STX16: variants seen among roughly 807,000 people sequenced by gnomAD.
STX16 encodes the protein syntaxin-16.
In STX16, 28 loss-of-function variants were observed where a neutral mutation model predicts 42.7. The observed-to-expected ratio is 0.66, with a 90% CI of 0.49 to 0.90. The LOEUF (loss-of-function observed/expected upper bound fraction) is 0.90, where lower values mean the gene tolerates loss of function less well. Ranked by LOEUF, STX16 falls within the 40% of genes least tolerant of loss-of-function variation. The pLI is 0.00. For missense variants in STX16, 361 were observed against 420.9 expected, an observed-to-expected ratio of 0.86 and a Z score of 1.24; for synonymous variants, 156 against 155.2, an observed-to-expected ratio of 1.00 and a Z score of -0.04.
At chr20:58,667,414 T>G in intron 2 of STX16, 76 bp from the exon 3 acceptor site, 1 of 1,189,972 alleles carries the variant, frequency 8.4e-7, no homozygotes, top group Non-Finnish European at 1.2e-6. Flanking sequence ...GGGAGTAACA[T>G]TTAAGAGAGA....
chr20:58,676,169 TC>T lies in STX16; in HGVS notation c.874-15del. 1 of 1,608,938 alleles carries T rather than the reference TC, an allele frequency of 6.2e-7. No individual in the cohort carries two copies. Among genetic ancestry groups the T allele is most frequent in the Non-Finnish European group, 8.5e-7 (1 of 1,175,690 alleles). On this transcript the variant is annotated splice_polypyrimidine_tract_variant and intron_variant, in intron 8 of 8. Coordinates refer to ENST00000371141, the MANE Select transcript of STX16 (RefSeq NM_001001433.3). ...TTTTGGGGAAAATGACGGCCTTTTT[TC>T]CCTCCTCTTTTTGTAGGCAGAACAG...
At chr20:58,658,657 T>C (rs2083631298) in intron 1 of STX16, among the ~76,000 whole-genome samples, 1 of 152,216 alleles carries the variant, frequency 6.6e-6, no homozygotes, top group Non-Finnish European at 1.5e-5. Flanking sequence ...CAATTGATTA[T>C]TGAATTTCAC....
In STX16 at chr20:58,676,659, G is replaced by A. The variant is rs898381827; in HGVS notation, c.*368G>A. On this transcript the variant is annotated 3_prime_UTR_variant, in exon 9 of 9. Coordinates refer to ENST00000371141, the MANE Select transcript of STX16 (RefSeq NM_001001433.3). ...TATATGCTATTTTTTTAGCAGCCAT[G>A]TCTGAGCAGAATGTTAACATAATTT... The A allele has an allele frequency of 1.2e-5, 2 of 162,728 alleles. No individual in the cohort carries two copies. The highest frequency in any genetic ancestry group is 4.8e-5 in the African/African-American group (2 of 41,900). The allele number at this position is 162,728 out of a possible 1,614,324, so 10.1% of individuals were successfully genotyped here.
chr20:58,671,401 C>A, intron 7 of STX16, 104 bp downstream of exon 7: 3 of 1,168,798 alleles, frequency 2.6e-6, no homozygotes, highest in South Asian at 1.5e-5. Context: ...CCAATTTTCC[C>A]AACATGTGTG....
At chr20:58,667,941 ATAGC>A (rs1396294014) in intron 3 of STX16, 42 bp from the exon 4 acceptor site, 1 of 1,613,050 alleles carries the variant, frequency 6.2e-7, no homozygotes, top group Non-Finnish European at 8.5e-7. Flanking sequence ...GAGGCAGACC[ATAGC>A]CTGCCTGGCA....
intron 7 of STX16, among the ~76,000 whole-genome samples, chr20:58,673,128 T>G (rs2084020275): frequency 6.6e-6 from 1 of 152,238 alleles, no homozygotes; most frequent in African/African-American, 2.4e-5. Context: ...GGTGGTAGAC[T>G]GGAGTTTACC....
intron 4 of STX16, among the ~76,000 whole-genome samples, chr20:58,668,975 C>G (rs1293322382): frequency 6.6e-6 from 1 of 152,090 alleles, no homozygotes; most frequent in African/African-American, 2.4e-5. Context: ...TGCAAATATT[C>G]CAAAATCTCC....
intron 1 of STX16, among the ~76,000 whole-genome samples, chr20:58,659,019 C>A (rs1209151877): frequency 6.6e-6 from 1 of 151,822 alleles, no homozygotes; most frequent in African/African-American, 2.4e-5. Context: ...TTTCTCAGCT[C>A]TCTTACTACC....
rs386352906 is a variant in STX16 at position 58,671,435 on chromosome 20, T to TGG, written c.792+140_792+141dup. On this transcript the variant is annotated intron_variant, in intron 7 of 8. Transcript: ENST00000371141. ...TGTGCACCTGTCCTTTATGTGTGTG[T>TGG]GGGTGTGTGTGTGTGTGTGTGTGTG... The TGG allele has an allele frequency of 1.0e-3, 381 of 375,780 alleles. 5 individuals carry two copies. In the South Asian group the frequency reaches 0.013, roughly 13 times the overall value. The allele number at this position is 375,780 out of a possible 1,614,324, so 23.3% of individuals were successfully genotyped here. A position where few individuals can be genotyped will look rare whatever the true frequency, so the allele number is the denominator to read the frequency against.
rs765364172 is a variant in STX16 at position 58,669,432 on chromosome 20, G to T, written c.535G>T (p.Ala179Ser). 18 of 1,611,218 alleles carry T rather than the reference G, an allele frequency of 1.1e-5. No individual in the cohort carries two copies. The highest frequency in any genetic ancestry group is 1.5e-5 in the Non-Finnish European group (18 of 1,179,320). Residue 179 changes from alanine to serine, a missense_variant, in exon 5 of 9, where the codon GCA becomes TCA. By Grantham distance (99) the Ala-to-Ser change is moderately conservative. Coordinates refer to ENST00000371141, the MANE Select transcript of STX16 (RefSeq NM_001001433.3). ...GGAACTCTCCACCAGCTTCCGGCAC[G>T]CACAGTCAGGCTACCTCAAACGTGA... is the stretch of plus-strand genomic sequence containing the variant. ...LQELSTSFRH[A>S]QSGYLKRMKN...
intron 1 of STX16, among the ~76,000 whole-genome samples, chr20:58,655,769 G>A (rs2083572510): frequency 6.6e-6 from 1 of 152,092 alleles, no homozygotes; most frequent in Non-Finnish European, 1.5e-5. Context: ...TAGCATTCCC[G>A]GCTCAGAGTG....
Position 58,652,109 on chromosome 20 carries a change from A to G in STX16, c.103A>G (p.Ser35Gly). 6.2e-7 allele frequency: 1 copy of G among 1,614,184 alleles called. No homozygotes were observed. Among genetic ancestry groups the G allele is most frequent in the South Asian group, 1.1e-5 (1 of 91,080 alleles). ...GCAAGTGAGTAGTCACATCACCTCC[A>G]GCCCTCTGCATTCACGTAGCATTGC... is the stretch of plus-strand genomic sequence containing the variant. Reference protein sequence around the residue: ...AEQVSSHITSSPLHSRSIAAE... With the variant: ...AEQVSSHITSGPLHSRSIAAE... Residue 35 changes from serine (S) to glycine (G), a missense_variant, in exon 1 of 9, where the codon AGC (serine) becomes GGC (glycine). Coordinates refer to ENST00000371141, the MANE Select transcript of STX16 (RefSeq NM_001001433.3).
At chr20:58,662,895 T>C (rs1357921644) in intron 2 of STX16, among the ~76,000 whole-genome samples, 1 of 152,240 alleles carries the variant, frequency 6.6e-6, no homozygotes, top group Non-Finnish European at 1.5e-5. Flanking sequence ...AGCATTATTT[T>C]AAAATTATTA....
chr20:58,666,845 GAAGAA>G (rs1013368776), intron 2 of STX16, among the ~76,000 whole-genome samples: 3 of 152,210 alleles, frequency 2.0e-5, no homozygotes, highest in Non-Finnish European at 4.4e-5. Flanking sequence ...ACATTTAACT[GAAGAA>G]AAGAAATGAC....
chr20:58,652,361 C>T (rs1296595761), intron 1 of STX16: 1 of 633,308 alleles, frequency 1.6e-6, no homozygotes, highest in African/African-American at 1.8e-5. Context: ...CTTCTCCTCA[C>T]TTCCGCAGCA....
chr20:58,661,966 A>T (rs2083710713), intron 2 of STX16, among the ~76,000 whole-genome samples: 1 of 152,050 alleles, frequency 6.6e-6, no homozygotes, highest in East Asian at 1.9e-4. Flanking sequence ...TTTGATTGTC[A>T]TTCTCCTCCT....
rs1327848826 is a variant in STX16, at chr20:58,657,692, G to T, written c.133-1931G>T. 1.3e-5 allele frequency among the ~76,000 whole-genome samples: 2 copies of T among 152,192 alleles called. No individual in the cohort carries two copies. The highest frequency in any genetic ancestry group is 4.8e-5 in the African/African-American group (2 of 41,442). On this transcript the variant is annotated intron_variant, in intron 1 of 8. Coordinates refer to ENST00000371141, the MANE Select transcript of STX16 (RefSeq NM_001001433.3). The surrounding 1 kb of genome is among the most constrained non-coding windows in gnomAD (Gnocchi z 4.2). ...ATTTGGCTTTATTTTGGTCTTTCTT[G>T]ATGGTAATTCTAAATGTTTTAATTC... is the stretch of plus-strand genomic sequence containing the variant.
chr20:58,669,540 C>T (rs1167591074), intron 5 of STX16, 87 bp downstream of exon 5: 5 of 1,427,472 alleles, frequency 3.5e-6, no homozygotes, highest in African/African-American at 1.4e-5. Flanking sequence ...TTCATTTAGT[C>T]CAGTACCTTT....
At position 58,667,608 on chromosome 20, in the gene STX16, T is replaced by C. The variant is rs2083867402; in HGVS notation, c.252+11T>C. On this transcript the variant is annotated intron_variant, in intron 3 of 8. Coordinates refer to ENST00000371141, the MANE Select transcript of STX16 (RefSeq NM_001001433.3). Reference sequence around the variant, plus strand: ...GATGGAGTGGATGAAGTAAGTTCCATGTTAGTTTCATAGCATCTTGTTTTT... The same window carrying C: ...GATGGAGTGGATGAAGTAAGTTCCACGTTAGTTTCATAGCATCTTGTTTTT... 6.2e-7 allele frequency: 1 copy of C among 1,605,690 alleles called. No homozygotes were observed. Among genetic ancestry groups the C allele is most frequent in the Non-Finnish European group, 8.5e-7 (1 of 1,172,572 alleles).
Sources: allele counts gnomAD v4.1 joint callset (sites outside exome capture counted in the v4.1 genomes callset), GRCh38; gene constraint gnomAD v4.1.1; non-coding constraint Gnocchi (gnomAD v3.1); transcripts MANE v1.5; gene names NCBI Gene and HGNC (gene_info 2026-07-23, HGNC 2026-07-21).